Variants in GABRA5 observed in about 807,000 individuals in gnomAD.
The protein encoded by GABRA5 is gamma-aminobutyric acid type A receptor subunit alpha5.
GABRA5 carries 18 observed loss-of-function variants against 47.3 expected under a neutral mutation model. The observed-to-expected ratio is 0.38, with a 90% CI of 0.26 to 0.56. GABRA5 has a LOEUF of 0.56. GABRA5 is among the 20% of genes least tolerant of loss of function. The pLI, the probability that GABRA5 is intolerant of heterozygous loss-of-function variation, is 0.71. For synonymous variants in GABRA5, 237 were observed against 229.3 expected, an observed-to-expected ratio of 1.03 and a Z score of -0.30; for missense variants, 365 against 599.3, an observed-to-expected ratio of 0.61 and a Z score of 4.08.
rs190489481 is a variant in GABRA5 at position 26,922,128 on chromosome 15, C to A, written c.580+7243C>A. ...CTTGATTATGATGGTGCTGACTTCA[C>A]CTCTATCCTTGATGATTTTCTGTCT... On this transcript the variant is annotated intron_variant, in intron 7 of 10. Transcript: ENST00000335625. Among the ~76,000 whole-genome samples, 1,305 of 152,232 alleles carry A rather than the reference C, an allele frequency of 8.6e-3. 21 individuals are homozygous for A. The highest frequency in any genetic ancestry group is 9.3e-3 in the Non-Finnish European group (634 of 67,994).
rs1440182237 is a variant in GABRA5, at chr15:26,948,607, T to A, written c.*374T>A. ...CATACAAATTTTCCCAGTGAATAAA[T>A]ATTTTAGGAAACTCTCCATGATTAT... On this transcript the variant is annotated 3_prime_UTR_variant, in exon 11 of 11. Transcript: ENST00000335625. 1 of 182,034 alleles carries A rather than the reference T, an allele frequency of 5.5e-6. No individual in the cohort carries two copies. The allele number at this position is 182,034 out of a possible 1,614,324, so 11.3% of individuals were successfully genotyped here.
intron 9 of GABRA5, among the ~76,000 whole-genome samples, chr15:26,941,191 T>C (rs1894375953): frequency 6.6e-6 from 1 of 152,076 alleles, no homozygotes; most frequent in South Asian, 2.1e-4. Flanking sequence ...GGTGTGGAGG[T>C]TGGCTGGTGG....
Position 26,875,238 on chromosome 15 carries a change from G to A in GABRA5, c.87-5608G>A, listed in dbSNP as rs141970848. ...TTTACTGGACCCAGAGTGTGAGATG[G>A]TGCCTGGCCTCAGCCTGAGCACAGT... On this transcript the variant is annotated intron_variant, in intron 3 of 10. Coordinates refer to ENST00000335625, the MANE Select transcript of GABRA5 (RefSeq NM_000810.4). Among the ~76,000 whole-genome samples the A allele has an allele frequency of 5.9e-3, 894 of 152,302 alleles. 12 individuals are homozygous for A. The highest frequency in any genetic ancestry group is 0.057 in the East Asian group (295 of 5,180).
At chr15:26,932,499 G>T (rs1894132457) in intron 7 of GABRA5, among the ~76,000 whole-genome samples, 1 of 152,186 alleles carries the variant, frequency 6.6e-6, no homozygotes, top group Non-Finnish European at 1.5e-5. Flanking sequence ...AAATAGGAAT[G>T]AGTTTACACT....
intron 7 of GABRA5, among the ~76,000 whole-genome samples, chr15:26,929,507 T>G (rs920169684): frequency 6.6e-6 from 1 of 152,158 alleles, no homozygotes; most frequent in Non-Finnish European, 1.5e-5. Context: ...CCGCATGACT[T>G]TGGGGATCCC....
chr15:26,896,918 A>G (rs1893206803), intron 6 of GABRA5, among the ~76,000 whole-genome samples: 1 of 150,124 alleles, frequency 6.7e-6, no homozygotes, highest in Non-Finnish European at 1.5e-5. Flanking sequence ...TAAGCAGTGT[A>G]AATTAATATG....
chr15:26,937,101 T>C (rs1221446306), intron 7 of GABRA5, 84 bp from the exon 8 acceptor site: 1 of 1,512,560 alleles, frequency 6.6e-7, no homozygotes, highest in Admixed American at 1.7e-5. Context: ...ATCCTCTCTC[T>C]TGCTACTTTA....
At chr15:26,876,670 T>C (rs922112255) in intron 3 of GABRA5, among the ~76,000 whole-genome samples, 1 of 151,952 alleles carries the variant, frequency 6.6e-6, no homozygotes, top group Non-Finnish European at 1.5e-5. Context: ...GCAGCGGGGG[T>C]TGCTCATATG....
Position 26,903,786 on chromosome 15 carries a change from C to T in GABRA5, c.498-11017C>T, listed in dbSNP as rs187748669. On this transcript the variant is annotated intron_variant, in intron 6 of 10. Transcript: ENST00000335625. Reference sequence around the variant, plus strand: ...AAAGTGTCTGTTCACATGCTTTGCTCGCTTTTTAACAGGATGTTTTGTTTT... The same window carrying T: ...AAAGTGTCTGTTCACATGCTTTGCTTGCTTTTTAACAGGATGTTTTGTTTT... Among the ~76,000 whole-genome samples, 211 of 151,674 alleles carry T rather than the reference C, an allele frequency of 1.4e-3. 1 individual carries two copies. Among genetic ancestry groups the T allele is most frequent in the Middle Eastern group, 0.01 (3 of 294 alleles).
At chr15:26,936,743 G>C (rs977500593) in intron 7 of GABRA5, among the ~76,000 whole-genome samples, 1 of 152,212 alleles carries the variant, frequency 6.6e-6, no homozygotes, top group Non-Finnish European at 1.5e-5. Context: ...GGTGCTCTGT[G>C]CTTGTAAATC....
At chr15:26,936,204 T>C (rs1894239649) in intron 7 of GABRA5, among the ~76,000 whole-genome samples, 1 of 152,164 alleles carries the variant, frequency 6.6e-6, no homozygotes, top group Non-Finnish European at 1.5e-5. Flanking sequence ...GAACTGTGAG[T>C]CAATTATACC....
At chr15:26,930,851 T>A (rs1028555027) in intron 7 of GABRA5, among the ~76,000 whole-genome samples, 5 of 151,976 alleles carry the variant, frequency 3.3e-5, no homozygotes, top group Non-Finnish European at 7.4e-5. Context: ...TTTCTTTCTT[T>A]TTTTTCTTTC....
intron 6 of GABRA5, among the ~76,000 whole-genome samples, chr15:26,906,121 A>G (rs1431746655): frequency 9.4e-6 from 1 of 106,504 alleles, no homozygotes; most frequent in Non-Finnish European, 2.1e-5. Flanking sequence ...CCATGTCCAT[A>G]GTGGTTTTTG....
rs1892459815 is a variant in GABRA5 at position 26,871,064 on chromosome 15, CAT to C, written c.86+1731_86+1732del. ...CAAAGATTAGCCAGGCCTGGTGGCACATGCCTGTAATCCCAGCCACTTGGGAG... is the reference window on the plus strand; with the variant it reads ...CAAAGATTAGCCAGGCCTGGTGGCACGCCTGTAATCCCAGCCACTTGGGAG... On this transcript the variant is annotated intron_variant, in intron 3 of 10. Coordinates refer to ENST00000335625, the MANE Select transcript of GABRA5 (RefSeq NM_000810.4). Among the ~76,000 whole-genome samples the C allele has an allele frequency of 8.5e-5, 13 of 152,206 alleles. No individual in the cohort carries two copies. The South Asian group carries it at 2.1e-3, about 24-fold the overall frequency.
intron 6 of GABRA5, among the ~76,000 whole-genome samples, chr15:26,904,777 A>G (rs1363156793): frequency 6.6e-6 from 1 of 151,802 alleles, no homozygotes; most frequent in African/African-American, 2.4e-5. Context: ...GCTGTTCCTG[A>G]TGTATAGGAA....
chr15:26,942,189 C>T (rs750721148), intron 9 of GABRA5, among the ~76,000 whole-genome samples: 3 of 152,208 alleles, frequency 2.0e-5, no homozygotes, highest in African/African-American at 4.8e-5. Context: ...CCTCCACCTG[C>T]CAAACAGGGA....
chr15:26,874,083 C>A (rs151202912), intron 3 of GABRA5, among the ~76,000 whole-genome samples: 1 of 152,156 alleles, frequency 6.6e-6, no homozygotes, highest in Admixed American at 6.5e-5. Flanking sequence ...AGTGAGTCAC[C>A]GACTCCCTTC....
At chr15:26,911,032 T>C (rs563792453) in intron 6 of GABRA5, among the ~76,000 whole-genome samples, 12 of 152,272 alleles carry the variant, frequency 7.9e-5, no homozygotes, top group African/African-American at 2.9e-4. Context: ...ATTTTTGAAA[T>C]GTTTAGAGGG....
At chr15:26,927,015 A>G (rs1893976466) in intron 7 of GABRA5, among the ~76,000 whole-genome samples, 1 of 152,176 alleles carries the variant, frequency 6.6e-6, no homozygotes, top group Non-Finnish European at 1.5e-5. Context: ...GATTCATATT[A>G]TATATAAGAA....
Sources: allele counts gnomAD v4.1 joint callset (sites outside exome capture counted in the v4.1 genomes callset), GRCh38; gene constraint gnomAD v4.1.1; transcripts MANE v1.5; gene names NCBI Gene and HGNC (gene_info 2026-07-23, HGNC 2026-07-21).